The following GPHN variants were observed in gnomAD, a reference collection of about 807,000 sequenced individuals.
GPHN encodes the protein gephyrin.
In GPHN, 17 loss-of-function variants were observed where a neutral mutation model predicts 95.5. That is an observed-to-expected ratio of 0.18 (90% CI 0.12 to 0.27). The LOEUF is 0.27. GPHN is among the 10% of genes least tolerant of loss of function. The pLI, the probability that GPHN is intolerant of heterozygous loss-of-function variation, is 1.00. For missense variants in GPHN, 660 were observed against 978.1 expected, an observed-to-expected ratio of 0.67 and a Z score of 4.34; for synonymous variants, 320 against 322.5, an observed-to-expected ratio of 0.99 and a Z score of 0.08.
the GPHN span, among the ~76,000 whole-genome samples, chr14:67,670,290 A>C: frequency 6.6e-6 from 1 of 152,170 alleles, no homozygotes; most frequent in South Asian, 2.1e-4. Context: ...TCTCAATGTG[A>C]CACTGAGATC....
At chr14:67,635,150 G>A in the GPHN span, among the ~76,000 whole-genome samples, 5 of 152,112 alleles carry the variant, frequency 3.3e-5, no homozygotes, top group Non-Finnish European at 5.9e-5. Context: ...AGGCTGATAT[G>A]TGAGAATTGC....
At chr14:67,261,406 T>C in the GPHN span, among the ~76,000 whole-genome samples, 1 of 152,106 alleles carries the variant, frequency 6.6e-6, no homozygotes, top group East Asian at 1.9e-4. Flanking sequence ...AGAGGTAGAA[T>C]TGATGGGAGT....
At chr14:66,742,132 T>G (rs1010509543) in intron 2 of GPHN, among the ~76,000 whole-genome samples, 20 of 152,226 alleles carry the variant, frequency 1.3e-4, no homozygotes, top group Non-Finnish European at 2.8e-4. Flanking sequence ...GGAACTCTTT[T>G]GCCTTGTTAG....
intron 4 of GPHN, among the ~76,000 whole-genome samples, chr14:66,835,520 C>T (rs868020453): frequency 1.3e-5 from 2 of 151,370 alleles, no homozygotes; most frequent in Non-Finnish European, 3.0e-5. Context: ...GAAGCATTCC[C>T]TTTGAAAACT....
At chr14:66,898,120 T>C (rs1174322729) in intron 5 of GPHN, among the ~76,000 whole-genome samples, 4 of 152,048 alleles carry the variant, frequency 2.6e-5, no homozygotes, top group Non-Finnish European at 4.4e-5. Context: ...TCGTCAGATA[T>C]GTGGATTGCA....
chr14:67,280,849 TTCCTTCCCTCCCTCCCTCCCTCCCTCCC>T, the GPHN span, among the ~76,000 whole-genome samples: 2 of 101,524 alleles, frequency 2.0e-5, no homozygotes, highest in Non-Finnish European at 3.5e-5. Flanking sequence ...CCTTCCTTCC[TTCCTTCCCTCCCTCCCTCCCTCCCTCCC>T]TCCCTTTTCT....
chr14:67,451,621 A>G, the GPHN span, among the ~76,000 whole-genome samples: 1 of 151,832 alleles, frequency 6.6e-6, no homozygotes, highest in Non-Finnish European at 1.5e-5. Flanking sequence ...GTTTTGGCCA[A>G]TTTCTCCCAT....
At chr14:67,306,543 A>G in the GPHN span, among the ~76,000 whole-genome samples, 4 of 149,038 alleles carry the variant, frequency 2.7e-5, no homozygotes, top group African/African-American at 9.9e-5. Context: ...GTGTTTGTGT[A>G]TTTTTAGTAG....
chr14:67,313,683 G>A, the GPHN span, among the ~76,000 whole-genome samples: 5 of 152,076 alleles, frequency 3.3e-5, no homozygotes, highest in Non-Finnish European at 5.9e-5. Flanking sequence ...AATAAATGCT[G>A]TTATGTCTGC....
chr14:67,179,458 G>A (rs957385645), intron 21 of GPHN, 120 bp from the exon 22 acceptor site: 20 of 708,910 alleles, frequency 2.8e-5, no homozygotes, highest in Middle Eastern at 3.7e-4. Context: ...TGACAGCAAC[G>A]ACAGAATACC....
chr14:66,595,212 A>G (rs2061922966), intron 1 of GPHN, among the ~76,000 whole-genome samples: 1 of 152,214 alleles, frequency 6.6e-6, no homozygotes, highest in Non-Finnish European at 1.5e-5. Context: ...GTAAATTAGT[A>G]TTACAGCCAT....
chr14:67,448,058 C>G, the GPHN span: 20 of 141,460 alleles, frequency 1.4e-4, no homozygotes, highest in African/African-American at 5.0e-4. Flanking sequence ...GAAAGAAATA[C>G]GTTTTTATTG....
chr14:67,459,516 T>C, the GPHN span, among the ~76,000 whole-genome samples: 1 of 152,238 alleles, frequency 6.6e-6, no homozygotes, highest in African/African-American at 2.4e-5. Context: ...TAGAGACCTA[T>C]TTAAAGTTCT....
chr14:66,966,871 G>A (rs907432676), intron 9 of GPHN, among the ~76,000 whole-genome samples: 6 of 151,744 alleles, frequency 4.0e-5, no homozygotes, highest in African/African-American at 1.5e-4. Context: ...TTATAACTTT[G>A]TAATTATATT....
chr14:67,729,078 G>A, the GPHN span: 1 of 1,073,354 alleles, frequency 9.3e-7, no homozygotes, highest in Non-Finnish European at 1.4e-6. Context: ...CTGAATCCTG[G>A]GGTTATGTTT....
the GPHN span, chr14:67,592,315 C>A: frequency 2.3e-6 from 1 of 436,462 alleles, no homozygotes; most frequent in Non-Finnish European, 4.2e-6. Flanking sequence ...TGGTGCACAC[C>A]TGTAGTCCCA....
At chr14:67,689,756 C>A in the GPHN span, among the ~76,000 whole-genome samples, 4 of 152,216 alleles carry the variant, frequency 2.6e-5, no homozygotes, top group South Asian at 2.1e-4. Flanking sequence ...CCACCCTGAC[C>A]AACATGGTGA....
At chr14:67,163,956 T>C (rs1193728586) in intron 19 of GPHN, among the ~76,000 whole-genome samples, 1 of 151,924 alleles carries the variant, frequency 6.6e-6, no homozygotes, top group Non-Finnish European at 1.5e-5. Context: ...GAAGTGTAAT[T>C]TGAGAATATT....
chr14:67,654,444 T>A, the GPHN span, among the ~76,000 whole-genome samples: 1 of 152,154 alleles, frequency 6.6e-6, no homozygotes, highest in African/African-American at 2.4e-5. Context: ...CTCCTTGGCT[T>A]TTAAATTCAA....
Sources: gnomAD v4.1 joint callset for allele counts (sites outside exome capture counted in the v4.1 genomes callset) on GRCh38, gnomAD v4.1.1 for gene constraint, MANE v1.5 for transcripts, NCBI Gene and HGNC (gene_info 2026-07-23, HGNC 2026-07-21) for gene names.